MIPOL1: variants seen among roughly 807,000 people sequenced by gnomAD.
MIPOL1 encodes mirror-image polydactyly 1, also known as mirror-image polydactyly gene 1 protein.
In MIPOL1, 57 loss-of-function variants were observed where a neutral mutation model predicts 60.9. That is an observed-to-expected ratio of 0.94 (90% CI 0.76 to 1.17). The LOEUF (loss-of-function observed/expected upper bound fraction) is 1.17, where lower values mean the gene tolerates loss of function less well. Ranked by LOEUF, MIPOL1 falls within the 50% of genes most tolerant of loss-of-function variation. The pLI, the probability that MIPOL1 is intolerant of heterozygous loss-of-function variation, is 0.00. For missense variants in MIPOL1, 551 were observed against 511.6 expected (o/e 1.08, Z -0.74); for synonymous variants, 179 against 168.8 (o/e 1.06, Z -0.47).
At chr14:37,469,996 T>C (rs746408482) in intron 11 of MIPOL1, among the ~76,000 whole-genome samples, 16 of 152,170 alleles carry the variant, frequency 1.1e-4, no homozygotes, top group Non-Finnish European at 2.4e-4. Flanking sequence ...AGGAGATTTA[T>C]GTGTAAAACA....
rs144035807 is a variant in MIPOL1 at position 37,267,927 on chromosome 14, CT to C, written c.252-730del. ...GCCTTGTTCTCTACCATTTGCATTC[CT>C]CATTATTTTACTTTCTCAGCTTTTA... On this transcript the variant is annotated intron_variant, in intron 4 of 12. Transcript: ENST00000684589. Among the ~76,000 whole-genome samples the C allele has an allele frequency of 9.6e-3, 1,465 of 152,110 alleles. 28 individuals carry two copies. Among genetic ancestry groups the C allele is most frequent in the African/African-American group, 0.033 (1,378 of 41,498 alleles).
At position 37,374,942 on chromosome 14, in the gene MIPOL1, C is replaced by T. The variant is rs1172246693; in HGVS notation, c.936+5318C>T. Among the ~76,000 whole-genome samples the T allele has an allele frequency of 6.6e-5, 10 of 152,048 alleles. No homozygotes were observed. In the East Asian group the frequency reaches 1.9e-3, roughly 29 times the overall value. On this transcript the variant is annotated intron_variant, in intron 10 of 12. Transcript: ENST00000684589. ...AAGAAAGTTCATGTTAGCTTGATGG[C>T]GATAGCATTGAATCTATAAATTACC...
rs111605217 is a variant in MIPOL1, at chr14:37,428,767, A to G, written c.1031+5818A>G. Among the ~76,000 whole-genome samples, 484 of 148,980 alleles carry G rather than the reference A, an allele frequency of 3.2e-3. 5 individuals are homozygous for G. The highest frequency in any genetic ancestry group is 0.031 in the Middle Eastern group (9 of 290). ...ACTGGAAATATGGAAATACAGGTTT[A>G]TGAGTTTCTTTATTCTGTTTGTTTC... On this transcript the variant is annotated intron_variant, in intron 11 of 12. Transcript: ENST00000684589.
intron 11 of MIPOL1, among the ~76,000 whole-genome samples, chr14:37,482,393 G>A (rs2094884508): frequency 6.6e-6 from 1 of 152,122 alleles, no homozygotes; most frequent in Admixed American, 6.6e-5. Flanking sequence ...AGTCAGCATG[G>A]CTGTTGTATT....
intron 3 of MIPOL1, among the ~76,000 whole-genome samples, chr14:37,266,538 G>C (rs2082885339): frequency 6.6e-6 from 1 of 152,132 alleles, no homozygotes; most frequent in Non-Finnish European, 1.5e-5. Context: ...ATCAGAAATA[G>C]TTACTGAAAG....
At chr14:37,332,884 C>G (rs989591397) in intron 9 of MIPOL1, among the ~76,000 whole-genome samples, 1 of 152,252 alleles carries the variant, frequency 6.6e-6, no homozygotes, top group East Asian at 1.9e-4. Context: ...TGCAAGAGAT[C>G]ATTTTGCTAT....
At chr14:37,397,340 T>C (rs936772302) in intron 10 of MIPOL1, among the ~76,000 whole-genome samples, 4 of 148,966 alleles carry the variant, frequency 2.7e-5, no homozygotes, top group African/African-American at 9.9e-5. Flanking sequence ...TATAGGTCTC[T>C]CAGTCCTGGA....
In MIPOL1 at chr14:37,499,904, T is replaced by C. The variant is rs768954457; in HGVS notation, c.1032-4T>C. The C allele has an allele frequency of 1.3e-6, 2 of 1,481,790 alleles. No homozygotes were observed. The highest frequency in any genetic ancestry group is 1.8e-6 in the Non-Finnish European group (2 of 1,084,528). 91.8% of individuals were successfully genotyped at this position (1,481,790 alleles called of 1,614,324 possible). On this transcript the variant is annotated splice_region_variant and splice_polypyrimidine_tract_variant and intron_variant, in intron 11 of 12. Coordinates refer to ENST00000684589, the MANE Select transcript of MIPOL1 (RefSeq NM_001388067.1). ...TCTTTAAATTTTTTTTAATATTTTC[T>C]CAGTTTACACAAATCTTTATCTCAA...
intron 11 of MIPOL1, among the ~76,000 whole-genome samples, chr14:37,463,704 A>G (rs1008770959): frequency 2.6e-5 from 4 of 152,210 alleles, no homozygotes; most frequent in African/African-American, 9.6e-5. Context: ...CTAAGCAAAG[A>G]TTTTATAACT....
At chr14:37,291,747 G>A (rs1330480308) in intron 7 of MIPOL1, among the ~76,000 whole-genome samples, 2 of 151,930 alleles carry the variant, frequency 1.3e-5, no homozygotes, top group Non-Finnish European at 2.9e-5. Context: ...GGGCCTTCTT[G>A]CCAAGTCATC....
At chr14:37,300,082 A>C (rs1260287087) in intron 7 of MIPOL1, among the ~76,000 whole-genome samples, 2 of 151,782 alleles carry the variant, frequency 1.3e-5, no homozygotes, top group African/African-American at 4.8e-5. Context: ...TCCTAATAGG[A>C]TTTACTATCA....
intron 11 of MIPOL1, among the ~76,000 whole-genome samples, chr14:37,488,447 G>A (rs1015169993): frequency 5.3e-5 from 8 of 152,116 alleles, no homozygotes; most frequent in African/African-American, 9.7e-5. Context: ...ATTATTGTGT[G>A]GGAGTCTAAG....
intron 7 of MIPOL1, among the ~76,000 whole-genome samples, chr14:37,304,874 T>A (rs188793947): frequency 0.016 from 2,453 of 151,932 alleles, 29 homozygotes; most frequent in Middle Eastern, 0.031. Context: ...TAGACTGTTG[T>A]AGGCATAATT....
intron 11 of MIPOL1, among the ~76,000 whole-genome samples, chr14:37,452,120 A>C (rs1286992047): frequency 1.3e-5 from 2 of 152,036 alleles, no homozygotes; most frequent in Admixed American, 1.3e-4. Context: ...CGGCCTGTTT[A>C]TTCTCTTTGC....
intron 9 of MIPOL1, among the ~76,000 whole-genome samples, chr14:37,324,085 T>A (rs917241000): frequency 6.6e-6 from 1 of 151,980 alleles, no homozygotes; most frequent in Non-Finnish European, 1.5e-5. Flanking sequence ...CACCTAAGAG[T>A]GGAATTGCTG....
At position 37,376,541 on chromosome 14, in the gene MIPOL1, C is replaced by CA. The variant is rs199882098; in HGVS notation, c.936+6926dup. Among the ~76,000 whole-genome samples, 560 of 149,826 alleles carry CA rather than the reference C, an allele frequency of 3.7e-3. 3 individuals carry two copies. The highest frequency in any genetic ancestry group is 0.013 in the African/African-American group (531 of 40,888). Reference sequence around the variant, plus strand: ...ATATAGGGCTTTTTTCTCTCTTGCTCAAAAAAAAATCAGGATATAGTTGCT... The same window carrying CA: ...ATATAGGGCTTTTTTCTCTCTTGCTCAAAAAAAAAATCAGGATATAGTTGCT... On this transcript the variant is annotated intron_variant, in intron 10 of 12. Coordinates refer to ENST00000684589, the MANE Select transcript of MIPOL1 (RefSeq NM_001388067.1).
chr14:37,451,981 AT>A (rs539062000), intron 11 of MIPOL1, among the ~76,000 whole-genome samples: 2 of 150,050 alleles, frequency 1.3e-5, no homozygotes, highest in South Asian at 4.2e-4. Context: ...CGCCCGGCTA[AT>A]TTTTTTGTAT....
intron 1 of MIPOL1, among the ~76,000 whole-genome samples, chr14:37,242,527 C>T (rs1972516440): frequency 6.6e-6 from 1 of 152,244 alleles, no homozygotes; most frequent in South Asian, 2.1e-4. Flanking sequence ...AGATCTCTTG[C>T]ATTTATGATA....
At chr14:37,536,157 T>A (rs1475017417) in intron 12 of MIPOL1, among the ~76,000 whole-genome samples, 1 of 152,224 alleles carries the variant, frequency 6.6e-6, no homozygotes, top group African/African-American at 2.4e-5. Context: ...ATCAACAAAC[T>A]AATTCATACC....
Sources: allele counts gnomAD v4.1 joint callset (sites outside exome capture counted in the v4.1 genomes callset), GRCh38; gene constraint gnomAD v4.1.1; transcripts MANE v1.5; gene names NCBI Gene and HGNC (gene_info 2026-07-23, HGNC 2026-07-21).